USB1: variants seen among roughly 807,000 people sequenced by gnomAD.
USB1 encodes U6 snRNA phosphodiesterase 1.
A neutral mutation model predicts 29.9 loss-of-function variants in USB1; 21 were observed. The observed-to-expected ratio is 0.70, with a 90% CI of 0.50 to 1.01. The LOEUF (loss-of-function observed/expected upper bound fraction) is 1.01, where lower values mean the gene tolerates loss of function less well. Ranked by LOEUF, USB1 falls within the 50% of genes least tolerant of loss-of-function variation. USB1 has a pLI of 0.00. For synonymous variants in USB1, 143 were observed against 134.9 expected (o/e 1.06, Z -0.42); for missense variants, 330 against 347.1 (o/e 0.95, Z 0.39).
At chr16:58,016,283 G>A (rs2142310514) in intron 4 of USB1, 1 of 152,340 alleles carries the variant, frequency 6.6e-6, no homozygotes, top group African/African-American at 2.4e-5. Context: ...TTTGAGGCTA[G>A]AACAACTGGC....
Position 58,013,562 on chromosome 16 carries a change from AC to A in USB1, c.450-709del. The A allele has an allele frequency of 1.0e-6, 1 of 954,186 alleles. No homozygotes were observed. Among genetic ancestry groups the A allele is most frequent in the South Asian group, 5.0e-5 (1 of 20,052 alleles). The allele number at this position is 954,186 out of a possible 1,614,324, so 59.1% of individuals were successfully genotyped here. A position where few individuals can be genotyped will look rare whatever the true frequency, so the allele number is the denominator to read the frequency against. ...AGAACCAGTCCAAGTCAAAGCACTT[AC>A]CTAGCTGAGCCTGACTCTTCCCGTG... On this transcript the variant is annotated intron_variant, in intron 3 of 6. Transcript: ENST00000219281. This position sits in a 1 kb window ranked among gnomAD's most constrained non-coding sequence, Gnocchi z 4.3.
At chr16:58,010,239 G>A in intron 3 of USB1, 127 bp downstream of exon 3, 1 of 1,160,414 alleles carries the variant, frequency 8.6e-7, no homozygotes, top group Admixed American at 2.0e-5. Context: ...CCCTCTCCTG[G>A]GGCTGCCTGC....
chr16:58,017,285 G>A, intron 4 of USB1, 49 bp from the exon 5 acceptor site: 3 of 1,562,752 alleles, frequency 1.9e-6, no homozygotes, highest in Non-Finnish European at 2.6e-6. Context: ...GCAGATGGCT[G>A]TGTTCTCAGA....
upstream of USB1, chr16:58,001,311 T>G: frequency 1.3e-6 from 1 of 749,812 alleles, no homozygotes; most frequent in South Asian, 1.6e-5. Context: ...CAGCTTGGAG[T>G]CGGTGGGCTG....
chr16:58,014,130 A>T, intron 3 of USB1, 143 bp from the exon 4 acceptor site: 1 of 703,936 alleles, frequency 1.4e-6, no homozygotes, highest in South Asian at 1.7e-5. Flanking sequence ...AAGGTTCAGT[A>T]TACCACCTGC....
chr16:58,012,172 AGAG>A (rs1963511393), intron 3 of USB1: 10 of 1,448,654 alleles, frequency 6.9e-6, no homozygotes, highest in Non-Finnish European at 9.1e-6. Flanking sequence ...TCTGAGGGCC[AGAG>A]GAGGACAGGA....
At chr16:58,018,682 C>T (rs1015612073) in intron 5 of USB1, among the ~76,000 whole-genome samples, 3 of 152,154 alleles carry the variant, frequency 2.0e-5, no homozygotes, top group Non-Finnish European at 2.9e-5. Flanking sequence ...ATGACCTCAT[C>T]TAACCCTAAT....
chr16:58,005,723 C>T (rs947141900), intron 2 of USB1, among the ~76,000 whole-genome samples: 10 of 152,228 alleles, frequency 6.6e-5, no homozygotes, highest in African/African-American at 2.4e-4. Flanking sequence ...GCCTCGGCAC[C>T]TGGATGGCTT....
intron 5 of USB1, among the ~76,000 whole-genome samples, chr16:58,018,070 G>C (rs932438622): frequency 6.6e-6 from 1 of 152,140 alleles, no homozygotes; most frequent in African/African-American, 2.4e-5. Context: ...ATGACCCTCT[G>C]ATACTTCAGG....
intron 4 of USB1, chr16:58,015,042 C>T (rs1963583593): frequency 6.6e-6 from 1 of 152,214 alleles, no homozygotes; most frequent in African/African-American, 2.4e-5. Flanking sequence ...CACACCACTG[C>T]ACTCTATCCT....
chr16:58,007,968 G>A (rs1430089183), intron 2 of USB1, among the ~76,000 whole-genome samples: 3 of 152,064 alleles, frequency 2.0e-5, no homozygotes, highest in Non-Finnish European at 2.9e-5. Context: ...GGGCAAAAGA[G>A]TGAGACTCTG....
intron 2 of USB1, 49 bp from the exon 3 acceptor site, chr16:58,009,880 G>A (rs1963448468): frequency 1.2e-6 from 2 of 1,612,228 alleles, no homozygotes; most frequent in East Asian, 2.2e-5. Context: ...ATTCAGCCAT[G>A]GCACCTTGGC....
Position 58,002,501 on chromosome 16 carries a change from C to T in USB1, c.121C>T (p.Gln41Ter). ...HRRGQSPLPR[Q>*]RFPVPDSVLN... ...CAGTGGCCAGAGCCCCCTTCCCAGG[C>T]AGAGATTTCCAGTACCTGACAGTGT... The change falls in exon 2 of 7, where the codon CAG (glutamine) becomes TAG (stop). Residue 41 changes from glutamine (Q) to a stop codon, truncating the protein, a stop_gained. Coordinates refer to ENST00000219281, the MANE Select transcript of USB1 (RefSeq NM_024598.4). LOFTEE classifies it high-confidence loss of function. The T allele has an allele frequency of 6.2e-7, 1 of 1,614,046 alleles. No homozygotes were observed. Among genetic ancestry groups the T allele is most frequent in the Non-Finnish European group, 8.5e-7 (1 of 1,180,032 alleles).
At chr16:58,004,861 G>A (rs1301646885) in intron 2 of USB1, among the ~76,000 whole-genome samples, 1 of 152,206 alleles carries the variant, frequency 6.6e-6, no homozygotes, top group Non-Finnish European at 1.5e-5. Context: ...TGGGCCCGGG[G>A]GACCACTACT....
intron 1 of USB1, 33 bp from the exon 2 acceptor site, chr16:58,002,446 A>G (rs1963241303): frequency 6.2e-7 from 1 of 1,612,318 alleles, no homozygotes. Context: ...CTAACAGGAT[A>G]AATGTACTCA....
intron 2 of USB1, among the ~76,000 whole-genome samples, chr16:58,006,003 G>A (rs896779811): frequency 2.0e-5 from 3 of 152,020 alleles, no homozygotes; most frequent in Admixed American, 6.6e-5. Flanking sequence ...ATTACTTCCA[G>A]GAAATTTTTT....
rs1337464648 is a variant in USB1, at chr16:58,002,525, G to T, written c.145G>T (p.Val49Leu). 6.2e-7 allele frequency: 1 copy of T among 1,614,082 alleles called. No homozygotes were observed. The highest frequency in any genetic ancestry group is 8.5e-7 in the Non-Finnish European group (1 of 1,180,040). Reference sequence around the variant, plus strand: ...GCAGAGATTTCCAGTACCTGACAGTGTGCTGAACATGTTCCCGGGCACCGA... The same window carrying T: ...GCAGAGATTTCCAGTACCTGACAGTTTGCTGAACATGTTCCCGGGCACCGA... The part of the protein sequence containing the change: ...PRQRFPVPDS[V>L]LNMFPGTEEG... Residue 49 changes from valine (V) to leucine (L), a missense_variant, in exon 2 of 7, where the codon GTG (valine) becomes TTG (leucine). Val to Leu is a conservative substitution (Grantham distance 32). Transcript: ENST00000219281.
Position 58,002,624 on chromosome 16 carries a change from G to A in USB1, c.244G>A (p.Ala82Thr), listed in dbSNP as rs778559247. Residue 82 changes from alanine to threonine, a missense_variant, in exon 2 of 7, where the codon GCC (alanine) becomes ACC (threonine). Transcript: ENST00000219281. ...RTFPHERGNWATHVYVPYEAK... is the reference protein window; with the variant it reads ...RTFPHERGNWTTHVYVPYEAK... ...CTTCCCCCACGAGCGAGGCAACTGGGCCACCCACGTCTATGTACCATGTGA... is the reference window on the plus strand; with the variant it reads ...CTTCCCCCACGAGCGAGGCAACTGGACCACCCACGTCTATGTACCATGTGA... 15 of 1,613,876 alleles carry A rather than the reference G, an allele frequency of 9.3e-6. No homozygotes were observed. Among genetic ancestry groups the A allele is most frequent in the Middle Eastern group, 1.7e-4 (1 of 6,058 alleles).
At chr16:58,001,361 C>T, upstream of USB1, 3 of 1,163,604 alleles carry the variant, frequency 2.6e-6, no homozygotes, top group Non-Finnish European at 3.7e-6. Flanking sequence ...CCCCTCCCGG[C>T]TCCGCCCCGA....
Sources: allele counts gnomAD v4.1 joint callset (sites outside exome capture counted in the v4.1 genomes callset), GRCh38; gene constraint gnomAD v4.1.1; non-coding constraint Gnocchi (gnomAD v3.1); transcripts MANE v1.5; gene names NCBI Gene and HGNC (gene_info 2026-07-23, HGNC 2026-07-21).